The following GGA2 variants were observed in gnomAD, a reference collection of about 807,000 sequenced individuals.
GGA2 encodes the protein ADP-ribosylation factor-binding protein GGA2.
GGA2 carries 48 observed loss-of-function variants against 79.5 expected under a neutral mutation model. The observed-to-expected ratio is 0.60, with a 90% confidence interval of 0.48 to 0.77. The LOEUF (loss-of-function observed/expected upper bound fraction) is 0.77. Ranked by LOEUF, GGA2 falls within the 30% of genes least tolerant of loss-of-function variation. The pLI is 0.00. For missense variants in GGA2, 770 were observed against 774.0 expected, an observed-to-expected ratio of 0.99 and a Z score of 0.06; for synonymous variants, 317 against 302.0, an observed-to-expected ratio of 1.05 and a Z score of -0.51.
At position 23,494,334 on chromosome 16, in the gene GGA2, G is replaced by A. The variant is rs778720821; in HGVS notation, c.221C>T (p.Pro74Leu). 22 of 1,612,796 alleles carry A rather than the reference G, an allele frequency of 1.4e-5. No individual in the cohort carries two copies. Among genetic ancestry groups the A allele is most frequent in the African/African-American group, 9.3e-5 (7 of 74,898 alleles). The stretch of plus-strand genomic sequence containing the variant: ...GGCATAAAGAGCTTCCTTCTCTTGC[G>A]GAGACTGGATCTTGTGGGCCAGTAG... ...PWLLAHKIQSPQEKEALYALT... is the reference protein window; with the variant it reads ...PWLLAHKIQSLQEKEALYALT... Residue 74 changes from proline (P) to leucine (L), a missense_variant, in exon 3 of 17, where the codon CCG (proline) becomes CTG (leucine). Transcript: ENST00000309859.
intron 1 of GGA2, 30 bp downstream of exon 1, chr16:23,510,291 G>T: frequency 1.5e-6 from 2 of 1,376,686 alleles, no homozygotes; most frequent in South Asian, 2.8e-5. Context: ...CGGCGCAGCG[G>T]CTGCGCCGAA....
At chr16:23,513,783 C>CAAAAAAAAAAA (rs754377361), upstream of GGA2, among the ~76,000 whole-genome samples, 1 of 47,166 alleles carries the variant, frequency 2.1e-5, no homozygotes, top group Non-Finnish European at 5.3e-5. Flanking sequence ...GACTCTGTCT[C>CAAAAAAAAAAA]AAAAAAAAAA....
intron 13 of GGA2, 106 bp from the exon 14 acceptor site, chr16:23,475,167 C>T (rs1268497704): frequency 4.8e-6 from 3 of 622,428 alleles, no homozygotes; most frequent in East Asian, 5.9e-5. Flanking sequence ...CACACACACA[C>T]ACAGAGTTAG....
chr16:23,500,934 C>T (rs947925523), intron 1 of GGA2: 1 of 277,238 alleles, frequency 3.6e-6, no homozygotes, highest in African/African-American at 2.2e-5. Flanking sequence ...TATACCATGG[C>T]ATCTTGATAG....
intron 13 of GGA2, among the ~76,000 whole-genome samples, chr16:23,478,149 A>T (rs1370145044): frequency 6.7e-6 from 1 of 149,676 alleles, no homozygotes; most frequent in African/African-American, 2.5e-5. Context: ...TAGTGAGCCG[A>T]GATTGTGCCA....
chr16:23,488,032 C>T (rs1964737373), intron 6 of GGA2, among the ~76,000 whole-genome samples: 1 of 152,094 alleles, frequency 6.6e-6, no homozygotes, highest in African/African-American at 2.4e-5. Context: ...TCTTCTTGTC[C>T]CTCTAGATAC....
At chr16:23,470,818 A>C (rs1964501456) in intron 14 of GGA2, among the ~76,000 whole-genome samples, 1 of 148,680 alleles carries the variant, frequency 6.7e-6, no homozygotes, top group Admixed American at 7.0e-5. Context: ...AAAAAATGAA[A>C]TAAATGCTTT....
At chr16:23,519,234 G>T (rs1965121397) in intron 2 of GGA2, among the ~76,000 whole-genome samples, 1 of 151,938 alleles carries the variant, frequency 6.6e-6, no homozygotes, top group Admixed American at 6.6e-5. Context: ...GTAGAAACAG[G>T]GTTTCACCAT....
In GGA2 at chr16:23,491,918, G is replaced by C; in HGVS notation, c.352-118C>G. On this transcript the variant is annotated intron_variant, in intron 4 of 16. Transcript: ENST00000309859. The stretch of plus-strand genomic sequence containing the variant: ...ACAAGCTCCCAGGCGCGGTATGAGT[G>C]TGAGGAGAGACTAGAGGCCACACCA... 4 of 640,412 alleles carry C rather than the reference G, an allele frequency of 6.2e-6. No individual in the cohort carries two copies. The Middle Eastern group carries it at 1.3e-3, about 202-fold the overall frequency. The allele number at this position is 640,412 out of a possible 1,614,324, so 39.7% of individuals were successfully genotyped here.
chr16:23,491,434 TG>T (rs2142131323), intron 5 of GGA2, among the ~76,000 whole-genome samples: 1 of 151,476 alleles, frequency 6.6e-6, no homozygotes, highest in African/African-American at 2.4e-5. Flanking sequence ...TGGTTTCCTA[TG>T]ATTTCCAGGC....
intron 1 of GGA2, among the ~76,000 whole-genome samples, chr16:23,502,853 G>T (rs907113574): frequency 6.6e-6 from 1 of 152,232 alleles, no homozygotes; most frequent in Non-Finnish European, 1.5e-5. Context: ...CTGCCCCAGA[G>T]TCTACAAGGG....
Position 23,510,435 on chromosome 16 carries a change from C to G in GGA2, c.-24G>C. ...ATCGCTCCAGCCCCGACGCTGCGGC[C>G]GCGGGCGCCACTGCCTCTTCAGCCG... is the stretch of plus-strand genomic sequence containing the variant. On this transcript the variant is annotated 5_prime_UTR_variant, in exon 1 of 17. Coordinates refer to ENST00000309859, the MANE Select transcript of GGA2 (RefSeq NM_015044.4). 2.1e-6 allele frequency: 2 copies of G among 969,544 alleles called. No homozygotes were observed. The highest frequency in any genetic ancestry group is 6.6e-5 in the East Asian group (2 of 30,268). 60.1% of individuals were successfully genotyped at this position (969,544 alleles called of 1,614,324 possible).
At chr16:23,468,802 T>G in intron 16 of GGA2, 84 bp downstream of exon 16, 1 of 768,646 alleles carries the variant, frequency 1.3e-6, no homozygotes, top group East Asian at 2.5e-5. Context: ...AAGGCCTCAA[T>G]GTGCCTCTCT....
intron 9 of GGA2, among the ~76,000 whole-genome samples, chr16:23,482,619 C>T (rs964284576): frequency 6.6e-6 from 1 of 152,172 alleles, no homozygotes; most frequent in Non-Finnish European, 1.5e-5. Context: ...GTTTCTCTGG[C>T]CCCTGCGATT....
intron 6 of GGA2, 146 bp downstream of exon 6, chr16:23,488,460 T>G: frequency 1.5e-6 from 1 of 667,538 alleles, no homozygotes; most frequent in South Asian, 1.7e-5. Context: ...ACCCAAACCT[T>G]CTGCTACCTC....
chr16:23,493,753 C>T (rs1964819895), intron 3 of GGA2: 1 of 363,956 alleles, frequency 2.7e-6, no homozygotes, highest in African/African-American at 2.1e-5. Context: ...GAGAAAGTGG[C>T]TAAAGAACCA....
intron 1 of GGA2, 67 bp downstream of exon 1, chr16:23,510,254 G>T: frequency 1.9e-6 from 2 of 1,067,044 alleles, no homozygotes; most frequent in Non-Finnish European, 1.3e-6. Flanking sequence ...GCAAGGCCCC[G>T]GGAGGCGGGA....
chr16:23,493,119 T>G (rs969887953), intron 4 of GGA2, among the ~76,000 whole-genome samples: 2 of 152,206 alleles, frequency 1.3e-5, no homozygotes, highest in African/African-American at 4.8e-5. Flanking sequence ...CCTCATCTCC[T>G]CTAGGCCACA....
At chr16:23,477,339 T>C (rs2142118336) in intron 13 of GGA2, among the ~76,000 whole-genome samples, 1 of 152,296 alleles carries the variant, frequency 6.6e-6, no homozygotes, top group South Asian at 2.1e-4. Context: ...GAATCATGGG[T>C]GCAGTTTCCC....
Sources: gnomAD v4.1 joint callset for allele counts (sites outside exome capture counted in the v4.1 genomes callset) on GRCh38, gnomAD v4.1.1 for gene constraint, MANE v1.5 for transcripts, NCBI Gene and HGNC (gene_info 2026-07-23, HGNC 2026-07-21) for gene names.